SNX25: variants seen among roughly 807,000 people sequenced by gnomAD.
SNX25 encodes sorting nexin 25.
Under a neutral mutation model 113.7 loss-of-function variants are expected in SNX25, and 62 were observed. The ratio of observed to expected loss-of-function variants is 0.55; its 90% confidence interval spans 0.44 to 0.67. The LOEUF (loss-of-function observed/expected upper bound fraction) is 0.67. Among genes scored for constraint, SNX25 ranks in the 30% least tolerant of loss-of-function variants. SNX25 has a pLI of 0.00. For synonymous variants in SNX25, 421 were observed against 436.2 expected (o/e 0.97, Z 0.43); for missense variants, 1,014 against 1,161.0 (o/e 0.87, Z 1.84).
chr4:185,238,802 A>G (rs1743042118), intron 1 of SNX25, among the ~76,000 whole-genome samples: 1 of 152,210 alleles, frequency 6.6e-6, no homozygotes, highest in Non-Finnish European at 1.5e-5. Context: ...AAATGTATGT[A>G]ATGGAGGTGA....
At chr4:185,287,521 A>G (rs1357471975) in intron 5 of SNX25, among the ~76,000 whole-genome samples, 3 of 152,188 alleles carry the variant, frequency 2.0e-5, no homozygotes, top group African/African-American at 2.4e-5. Context: ...AAAATGTTCT[A>G]CTTGGCACCG....
At chr4:185,348,148 T>C (rs2126736034) in intron 13 of SNX25, among the ~76,000 whole-genome samples, 1 of 152,352 alleles carries the variant, frequency 6.6e-6, no homozygotes, top group East Asian at 1.9e-4. Flanking sequence ...TTTTTTCCTT[T>C]GCTGCACCAT....
intron 1 of SNX25, among the ~76,000 whole-genome samples, chr4:185,237,087 G>C (rs1742752321): frequency 6.6e-6 from 1 of 152,150 alleles, no homozygotes; most frequent in Non-Finnish European, 1.5e-5. Flanking sequence ...AAAACTTGTA[G>C]GTTGAATTTT....
intron 2 of SNX25, among the ~76,000 whole-genome samples, chr4:185,251,771 A>T (rs1745699799): frequency 6.6e-6 from 1 of 152,072 alleles, no homozygotes; most frequent in Admixed American, 6.6e-5. Context: ...CTCTGTACTT[A>T]GACGTGACCT....
intron 3 of SNX25, among the ~76,000 whole-genome samples, chr4:185,261,140 G>GTGTGTC (rs1260783752): frequency 3.3e-5 from 5 of 149,878 alleles, no homozygotes; most frequent in African/African-American, 1.2e-4. Flanking sequence ...GTGTGTGTGT[G>GTGTGTC]TGTGTGTGTG....
chr4:185,356,051 T>C (rs56728530), intron 15 of SNX25, among the ~76,000 whole-genome samples: 1,666 of 152,286 alleles, frequency 0.011, 23 homozygotes, highest in African/African-American at 0.038. Flanking sequence ...TCATATATAA[T>C]GAGATGTGAT....
intron 7 of SNX25, among the ~76,000 whole-genome samples, chr4:185,317,616 A>G (rs2095084819): frequency 6.6e-6 from 1 of 152,230 alleles, no homozygotes; most frequent in Non-Finnish European, 1.5e-5. Flanking sequence ...TGTGGCACAT[A>G]TACACCATGG....
chr4:185,298,520 ACT>A (rs1210951842), intron 6 of SNX25, among the ~76,000 whole-genome samples: 1 of 151,934 alleles, frequency 6.6e-6, no homozygotes, highest in Non-Finnish European at 1.5e-5. Flanking sequence ...TGTATTTAAA[ACT>A]CATCATTGTC....
At chr4:185,258,819 T>C (rs749829512) in intron 2 of SNX25, 29 bp from the exon 3 acceptor site, 24 of 1,569,314 alleles carry the variant, frequency 1.5e-5, no homozygotes, top group Non-Finnish European at 2.1e-5. Flanking sequence ...TTCATTTGTT[T>C]TACTCATTGC....
intron 5 of SNX25, among the ~76,000 whole-genome samples, chr4:185,270,931 G>A (rs548866223): frequency 1.3e-5 from 2 of 152,252 alleles, no homozygotes; most frequent in South Asian, 4.1e-4. Flanking sequence ...CGGTCCATGG[G>A]CAAGTTGGAT....
chr4:185,314,355 C>G (rs1461665885), intron 7 of SNX25, among the ~76,000 whole-genome samples: 3 of 147,514 alleles, frequency 2.0e-5, no homozygotes, highest in Non-Finnish European at 4.5e-5. Flanking sequence ...TTAAAAGAAG[C>G]TGTAAATAAA....
At chr4:185,249,438 A>G (rs1466058672) in intron 2 of SNX25, among the ~76,000 whole-genome samples, 1 of 152,050 alleles carries the variant, frequency 6.6e-6, no homozygotes, top group Non-Finnish European at 1.5e-5. Flanking sequence ...TTTATTTGTG[A>G]TGTGTCTATG....
At chr4:185,320,620 C>A in intron 7 of SNX25, 113 bp from the exon 8 acceptor site, 1 of 679,166 alleles carries the variant, frequency 1.5e-6, no homozygotes, top group Non-Finnish European at 2.2e-6. Flanking sequence ...TTACTTTATT[C>A]CTTTAAAAAA....
intron 6 of SNX25, among the ~76,000 whole-genome samples, chr4:185,294,261 G>A (rs1752562952): frequency 6.6e-6 from 1 of 152,200 alleles, no homozygotes; most frequent in Non-Finnish European, 1.5e-5. Context: ...CATTGCTGCA[G>A]GCTGGTGAGA....
the SNX25 span, chr4:185,377,039 A>G: frequency 1.8e-5 from 26 of 1,482,824 alleles, no homozygotes; most frequent in Non-Finnish European, 2.4e-5. Context: ...AAAGGTAAGG[A>G]ATTCCATCAA....
intron 1 of SNX25, among the ~76,000 whole-genome samples, chr4:185,211,016 C>G (rs1460401716): frequency 6.6e-6 from 1 of 152,148 alleles, no homozygotes; most frequent in African/African-American, 2.4e-5. Context: ...TTAAAGGGAA[C>G]TTTATTCTAT....
chr4:185,256,050 G>C (rs1746366693), intron 2 of SNX25, among the ~76,000 whole-genome samples: 1 of 152,162 alleles, frequency 6.6e-6, no homozygotes, highest in African/African-American at 2.4e-5. Context: ...GAACGTGACT[G>C]AGAGTTTCAT....
chr4:185,218,732 A>G (rs1214352871), intron 1 of SNX25, among the ~76,000 whole-genome samples: 1 of 152,230 alleles, frequency 6.6e-6, no homozygotes, highest in African/African-American at 2.4e-5. Flanking sequence ...TTAGGCTACT[A>G]GGATCTATTC....
At chr4:185,352,875 C>T (rs980978450) in intron 14 of SNX25, among the ~76,000 whole-genome samples, 1 of 152,206 alleles carries the variant, frequency 6.6e-6, no homozygotes, top group South Asian at 2.1e-4. Flanking sequence ...AGCACTGTCT[C>T]CTGCCCTATC....
Sources: gnomAD v4.1 joint callset for allele counts (sites outside exome capture counted in the v4.1 genomes callset) on GRCh38, gnomAD v4.1.1 for gene constraint, MANE v1.5 for transcripts, NCBI Gene and HGNC (gene_info 2026-07-23, HGNC 2026-07-21) for gene names.